Variants in ARL15 observed in about 807,000 individuals in gnomAD.
ARL15 encodes ARF like GTPase 15, also known as ADP-ribosylation factor-like protein 15.
A neutral mutation model predicts 25.2 loss-of-function variants in ARL15; 19 were observed. That is an observed-to-expected ratio of 0.75 (90% CI 0.53 to 1.10). The LOEUF is 1.10. ARL15 is among the 50% of genes least tolerant of loss of function. The pLI is 0.00. For missense variants in ARL15, 220 were observed against 246.0 expected (o/e 0.89, Z 0.71); for synonymous variants, 94 against 86.8 (o/e 1.08, Z -0.46).
intron 4 of ARL15, among the ~76,000 whole-genome samples, chr5:53,906,203 T>G (rs1358710465): frequency 6.6e-6 from 1 of 152,214 alleles, no homozygotes; most frequent in East Asian, 1.9e-4. Context: ...TTATATGAAG[T>G]CGTGGACACC....
chr5:53,969,802 A>C (rs1454314339), intron 4 of ARL15, among the ~76,000 whole-genome samples: 2 of 152,178 alleles, frequency 1.3e-5, no homozygotes. Context: ...TTCAATAATA[A>C]AAATGTAAGT....
intron 4 of ARL15, among the ~76,000 whole-genome samples, chr5:54,096,414 T>C (rs961147393): frequency 6.6e-6 from 1 of 152,124 alleles, no homozygotes; most frequent in Non-Finnish European, 1.5e-5. Flanking sequence ...TTCATTTCAT[T>C]TCATTTTTTA....
chr5:54,104,967 C>A (rs1752546236), intron 4 of ARL15, among the ~76,000 whole-genome samples: 1 of 151,902 alleles, frequency 6.6e-6, no homozygotes, highest in Non-Finnish European at 1.5e-5. Context: ...TAAAATCCAA[C>A]AGATTAACCC....
intron 1 of ARL15, among the ~76,000 whole-genome samples, chr5:54,210,676 T>C (rs1451954742): frequency 6.6e-6 from 1 of 152,212 alleles, no homozygotes; most frequent in African/African-American, 2.4e-5. Flanking sequence ...AAGGAAGTTT[T>C]GTTGCAGTTG....
chr5:54,265,866 T>C (rs921091817), intron 1 of ARL15, among the ~76,000 whole-genome samples: 1 of 152,180 alleles, frequency 6.6e-6, no homozygotes, highest in African/African-American at 2.4e-5. Context: ...TACGAAGCAG[T>C]TACTATATAT....
intron 3 of ARL15, among the ~76,000 whole-genome samples, chr5:54,145,045 T>C (rs1050343344): frequency 2.6e-5 from 4 of 152,240 alleles, no homozygotes; most frequent in African/African-American, 9.6e-5. Flanking sequence ...TAAATCTATT[T>C]TTGTTATAGA....
At chr5:53,909,534 C>T (rs1214201657) in intron 4 of ARL15, among the ~76,000 whole-genome samples, 2 of 152,098 alleles carry the variant, frequency 1.3e-5, no homozygotes, top group Admixed American at 1.3e-4. Context: ...TGGAGAAACC[C>T]TGTCTCTACT....
At chr5:53,933,632 G>A (rs557886065) in intron 4 of ARL15, among the ~76,000 whole-genome samples, 38 of 98,644 alleles carry the variant, frequency 3.9e-4, no homozygotes, top group Non-Finnish European at 6.1e-4. Context: ...GCGACAGAGC[G>A]AGACTGTCTC....
At chr5:53,929,068 TA>T (rs943534935) in intron 4 of ARL15, among the ~76,000 whole-genome samples, 6 of 151,930 alleles carry the variant, frequency 3.9e-5, no homozygotes, top group African/African-American at 1.5e-4. Flanking sequence ...AGATAATCCT[TA>T]AAGTTTTTAT....
intron 3 of ARL15, among the ~76,000 whole-genome samples, chr5:54,141,054 G>T (rs1160048422): frequency 6.6e-6 from 1 of 152,144 alleles, no homozygotes; most frequent in Non-Finnish European, 1.5e-5. Context: ...GGAAGAAAAT[G>T]TTATATCACT....
chr5:54,058,205 C>T (rs1017072250), intron 4 of ARL15, among the ~76,000 whole-genome samples: 2 of 151,898 alleles, frequency 1.3e-5, no homozygotes, highest in Non-Finnish European at 2.9e-5. Flanking sequence ...GGGGTTTCAC[C>T]ATGTTGCCCG....
At chr5:54,023,164 G>T (rs1047568383) in intron 4 of ARL15, among the ~76,000 whole-genome samples, 1 of 151,770 alleles carries the variant, frequency 6.6e-6, no homozygotes, top group Non-Finnish European at 1.5e-5. Flanking sequence ...AAATGAGGAG[G>T]GTAAAGGGAT....
chr5:54,229,909 A>G (rs1045711138), intron 1 of ARL15, among the ~76,000 whole-genome samples: 4 of 152,168 alleles, frequency 2.6e-5, no homozygotes, highest in African/African-American at 4.8e-5. Context: ...ACCTGGATTC[A>G]TAGATGCCTT....
chr5:53,990,542 C>T (rs75241215), intron 4 of ARL15, among the ~76,000 whole-genome samples: 9,099 of 152,234 alleles, frequency 0.06, 354 homozygotes, highest in East Asian at 0.15. Flanking sequence ...ACAGCCAAGA[C>T]AGTTTAGCTC....
chr5:54,259,121 T>A (rs990082381), intron 1 of ARL15, among the ~76,000 whole-genome samples: 1 of 152,072 alleles, frequency 6.6e-6, no homozygotes, highest in East Asian at 1.9e-4. Flanking sequence ...CCTATGATCA[T>A]TCATCTTGGA....
chr5:53,917,871 C>A (rs1745708028), intron 4 of ARL15, among the ~76,000 whole-genome samples: 1 of 150,412 alleles, frequency 6.6e-6, no homozygotes, highest in Admixed American at 6.6e-5. Flanking sequence ...CACTGGCAAT[C>A]AAAACTGAAG....
At chr5:54,099,122 T>C (rs190060014) in intron 4 of ARL15, among the ~76,000 whole-genome samples, 1 of 152,296 alleles carries the variant, frequency 6.6e-6, no homozygotes. Context: ...GGTAGGCCTA[T>C]ACCTTGTTTA....
At chr5:53,973,442 C>T (rs1036516137) in intron 4 of ARL15, among the ~76,000 whole-genome samples, 2 of 151,872 alleles carry the variant, frequency 1.3e-5, no homozygotes, top group African/African-American at 4.8e-5. Context: ...GGCATGGTGG[C>T]GGGCGCCTGT....
chr5:54,038,759 T>C lies in ARL15; in HGVS notation c.462+74443A>G, dbSNP rs537118921. Among the ~76,000 whole-genome samples the C allele has an allele frequency of 7.2e-5, 11 of 152,158 alleles. No homozygotes were observed. The East Asian group carries it at 1.2e-3, about 16-fold the overall frequency. On this transcript the variant is annotated intron_variant, in intron 4 of 4. Transcript: ENST00000504924. ...ATATATATGATTCACAGATATAAAA[T>C]AAGGGACAATCAAATACTAAGACAT...
Sources: allele counts gnomAD v4.1 joint callset (sites outside exome capture counted in the v4.1 genomes callset), GRCh38; gene constraint gnomAD v4.1.1; transcripts MANE v1.5; gene names NCBI Gene and HGNC (gene_info 2026-07-23, HGNC 2026-07-21).